The following MAP3K5 variants were observed in gnomAD, a reference collection of about 807,000 sequenced individuals.
MAP3K5 encodes mitogen-activated protein kinase kinase kinase 5, also known as ASK-1.
In MAP3K5, 56 loss-of-function variants were observed where a neutral mutation model predicts 158.7. That is an observed-to-expected ratio of 0.35 (90% CI 0.28 to 0.44). MAP3K5 has a LOEUF of 0.44. Ranked by LOEUF, MAP3K5 falls within the 20% of genes least tolerant of loss-of-function variation. The pLI, the probability that MAP3K5 is intolerant of heterozygous loss-of-function variation, is 1.00. For synonymous variants in MAP3K5, 579 were observed against 601.7 expected (o/e 0.96, Z 0.55); for missense variants, 1,294 against 1,674.8 (o/e 0.77, Z 3.97).
intron 7 of MAP3K5, 54 bp from the exon 8 acceptor site, chr6:136,669,449 T>C: frequency 1.0e-6 from 1 of 1,001,154 alleles, no homozygotes; most frequent in East Asian, 2.4e-5. Context: ...AAACCCTGGG[T>C]GTGTAATAGC....
In MAP3K5 at chr6:136,643,093, A is replaced by G. The variant is rs182516656; in HGVS notation, c.1789-524T>C. ...AACACACATGTGTACAGTGCCCATC[A>G]TAACTACAAGGTATTGCTACCTAAT... On this transcript the variant is annotated intron_variant, in intron 11 of 29. Coordinates refer to ENST00000359015, the MANE Select transcript of MAP3K5 (RefSeq NM_005923.4). Among the ~76,000 whole-genome samples, 355 of 152,344 alleles carry G rather than the reference A, an allele frequency of 2.3e-3. 1 individual carries two copies. Among genetic ancestry groups the G allele is most frequent in the Middle Eastern group, 0.014 (4 of 294 alleles).
chr6:136,624,235 C>G (rs1400155927), intron 14 of MAP3K5, among the ~76,000 whole-genome samples: 1 of 152,080 alleles, frequency 6.6e-6, no homozygotes, highest in Non-Finnish European at 1.5e-5. Flanking sequence ...AGTCAACAAA[C>G]TTAACGTTAA....
chr6:136,585,593 A>C (rs1314081364), intron 23 of MAP3K5, among the ~76,000 whole-genome samples: 1 of 151,694 alleles, frequency 6.6e-6, no homozygotes, highest in East Asian at 1.9e-4. Context: ...TCTGCCTCCC[A>C]ACTTCAAGTG....
intron 11 of MAP3K5, among the ~76,000 whole-genome samples, chr6:136,645,775 A>C (rs1280366444): frequency 6.6e-6 from 1 of 152,214 alleles, no homozygotes; most frequent in Non-Finnish European, 1.5e-5. Flanking sequence ...TGAAAGTTGC[A>C]GTATAAAGTA....
chr6:136,716,811 G>A (rs978781203), intron 2 of MAP3K5, among the ~76,000 whole-genome samples: 1 of 152,178 alleles, frequency 6.6e-6, no homozygotes, highest in Non-Finnish European at 1.5e-5. Flanking sequence ...AAATTCTCAT[G>A]AGACTTAAAG....
At chr6:136,629,896 CGCTT>C (rs1474755776) in intron 14 of MAP3K5, among the ~76,000 whole-genome samples, 2 of 151,956 alleles carry the variant, frequency 1.3e-5, no homozygotes, top group Non-Finnish European at 2.9e-5. Flanking sequence ...GGATTACAGG[CGCTT>C]GCCACCATGC....
chr6:136,637,571 A>G (rs1271038389), intron 13 of MAP3K5, among the ~76,000 whole-genome samples, 165 bp from the exon 14 acceptor site: 2 of 152,256 alleles, frequency 1.3e-5, no homozygotes, highest in African/African-American at 4.8e-5. Context: ...TTTTTCAAAA[A>G]GAAAATGCAG....
intron 4 of MAP3K5, among the ~76,000 whole-genome samples, chr6:136,697,751 G>A (rs1374249899): frequency 1.3e-5 from 2 of 151,848 alleles, no homozygotes; most frequent in African/African-American, 2.4e-5. Context: ...TTTGTTTGTT[G>A]TTTTTGTTTT....
At position 136,697,194 on chromosome 6, in the gene MAP3K5, G is replaced by A. The variant is rs757262098; in HGVS notation, c.975+25C>T. On this transcript the variant is annotated intron_variant, in intron 5 of 29. Transcript: ENST00000359015. ...TCCCTCCAACATGCTACACAACAAA[G>A]ATTTCACTTTAAACATCTTCTCACC... is the stretch of plus-strand genomic sequence containing the variant. 1.8e-5 allele frequency: 28 copies of A among 1,595,418 alleles called. No homozygotes were observed. The Admixed American group carries it at 4.6e-4, about 26-fold the overall frequency.
At chr6:136,777,861 C>T (rs1297388308) in intron 1 of MAP3K5, among the ~76,000 whole-genome samples, 1 of 91,530 alleles carries the variant, frequency 1.1e-5, no homozygotes, top group African/African-American at 4.2e-5. Flanking sequence ...CAGCCAAGAA[C>T]CACACACTCC....
intron 1 of MAP3K5, among the ~76,000 whole-genome samples, chr6:136,747,727 G>C (rs1406082112): frequency 6.6e-6 from 1 of 152,214 alleles, no homozygotes; most frequent in Non-Finnish European, 1.5e-5. Context: ...GATTCTGATT[G>C]AGCTGTGTGA....
intron 14 of MAP3K5, among the ~76,000 whole-genome samples, chr6:136,632,830 C>A (rs908330512): frequency 2.0e-5 from 3 of 152,064 alleles, no homozygotes; most frequent in African/African-American, 7.2e-5. Flanking sequence ...CTGGTTAACT[C>A]TGATCAATTG....
intron 13 of MAP3K5, among the ~76,000 whole-genome samples, chr6:136,638,105 T>A (rs1195941317): frequency 6.6e-6 from 1 of 151,970 alleles, no homozygotes; most frequent in Non-Finnish European, 1.5e-5. Flanking sequence ...TGGAGGTCCA[T>A]GACAAGAAAA....
intron 1 of MAP3K5, among the ~76,000 whole-genome samples, chr6:136,727,886 C>T (rs151243974): frequency 1.2e-3 from 183 of 151,914 alleles, no homozygotes; most frequent in African/African-American, 4.1e-3. Flanking sequence ...GGGGTGAACC[C>T]AGGAGGCGCA....
intron 7 of MAP3K5, among the ~76,000 whole-genome samples, chr6:136,682,250 T>C (rs1195924167): frequency 1.3e-5 from 2 of 151,988 alleles, no homozygotes; most frequent in African/African-American, 4.8e-5. Flanking sequence ...ATAGACACAA[T>C]AAAGGACTAA....
At position 136,762,529 on chromosome 6, in the gene MAP3K5, G is replaced by C. The variant is rs117409102; in HGVS notation, c.448+29181C>G. ...CAGAAATAAGACAGTGAGTGTGTGAGGGTAAGGGGGGAAGAGAGCTTAGTT... is the reference window on the plus strand; with the variant it reads ...CAGAAATAAGACAGTGAGTGTGTGACGGTAAGGGGGGAAGAGAGCTTAGTT... On this transcript the variant is annotated intron_variant, in intron 1 of 29. Coordinates refer to ENST00000359015, the MANE Select transcript of MAP3K5 (RefSeq NM_005923.4). Among the ~76,000 whole-genome samples, 198 of 152,240 alleles carry C rather than the reference G, an allele frequency of 1.3e-3. 2 individuals carry two copies. The East Asian group carries it at 0.037, about 29-fold the overall frequency.
At chr6:136,559,255 G>A (rs1405760046) in intron 28 of MAP3K5, among the ~76,000 whole-genome samples, 1 of 152,232 alleles carries the variant, frequency 6.6e-6, no homozygotes, top group Non-Finnish European at 1.5e-5. Context: ...GGGAGGCTGA[G>A]GCAGGAGAAT....
At chr6:136,580,970 G>A (rs1363531479) in intron 24 of MAP3K5, among the ~76,000 whole-genome samples, 2 of 151,992 alleles carry the variant, frequency 1.3e-5, no homozygotes, top group Admixed American at 6.6e-5. Flanking sequence ...ATGAGCCACC[G>A]TGCCTGGCCA....
chr6:136,680,567 T>C (rs542799039), intron 7 of MAP3K5, among the ~76,000 whole-genome samples: 1 of 152,312 alleles, frequency 6.6e-6, no homozygotes, highest in South Asian at 2.1e-4. Flanking sequence ...ACATGAATTA[T>C]TTCAAAGCTC....
Sources: gnomAD v4.1 joint callset for allele counts (sites outside exome capture counted in the v4.1 genomes callset) on GRCh38, gnomAD v4.1.1 for gene constraint, MANE v1.5 for transcripts, NCBI Gene and HGNC (gene_info 2026-07-23, HGNC 2026-07-21) for gene names.